The following INPP4B variants were observed in gnomAD, a reference collection of about 807,000 sequenced individuals.
INPP4B encodes inositol polyphosphate 4-phosphatase type II.
INPP4B carries 55 observed loss-of-function variants against 122.5 expected under a neutral mutation model. The ratio of observed to expected loss-of-function variants is 0.45; its 90% confidence interval spans 0.36 to 0.56. The LOEUF is 0.56. Among genes scored for constraint, INPP4B ranks in the 20% least tolerant of loss-of-function variants. The pLI is 0.00. For missense variants in INPP4B, 1,000 were observed against 1,097.7 expected, an observed-to-expected ratio of 0.91 and a Z score of 1.26; for synonymous variants, 403 against 388.7, an observed-to-expected ratio of 1.04 and a Z score of -0.43.
intron 17 of INPP4B, among the ~76,000 whole-genome samples, chr4:142,154,447 A>G (rs1816082506): frequency 6.6e-6 from 1 of 152,122 alleles, no homozygotes; most frequent in African/African-American, 2.4e-5. Context: ...ACCACTTTCT[A>G]TATTTGAAGA....
intron 2 of INPP4B, among the ~76,000 whole-genome samples, chr4:142,641,764 G>A (rs1388156877): frequency 6.6e-6 from 1 of 152,084 alleles, no homozygotes; most frequent in Non-Finnish European, 1.5e-5. Context: ...ATGATTTATA[G>A]TCCTTTGGGT....
At chr4:142,608,924 T>C (rs930652711) in intron 2 of INPP4B, among the ~76,000 whole-genome samples, 3 of 152,140 alleles carry the variant, frequency 2.0e-5, no homozygotes, top group African/African-American at 7.2e-5. Context: ...TCATATTATG[T>C]GTATATTTGA....
chr4:142,534,154 G>A (rs1827925827), intron 2 of INPP4B, among the ~76,000 whole-genome samples: 1 of 152,080 alleles, frequency 6.6e-6, no homozygotes, highest in African/African-American at 2.4e-5. Context: ...GCCCTTTAAA[G>A]TTGAAGGGGT....
chr4:142,083,541 GTCT>G (rs1775220193), intron 24 of INPP4B, among the ~76,000 whole-genome samples: 1 of 152,072 alleles, frequency 6.6e-6, no homozygotes, highest in Non-Finnish European at 1.5e-5. Flanking sequence ...TATAACAAAG[GTCT>G]TCTTTATTAT....
At chr4:142,773,511 G>T (rs759589583) in intron 1 of INPP4B, among the ~76,000 whole-genome samples, 1 of 151,940 alleles carries the variant, frequency 6.6e-6, no homozygotes, top group Non-Finnish European at 1.5e-5. Flanking sequence ...CTATACATTC[G>T]GTATACTAGG....
At chr4:142,075,188 T>C (rs1376933472) in intron 25 of INPP4B, among the ~76,000 whole-genome samples, 2 of 152,062 alleles carry the variant, frequency 1.3e-5, no homozygotes, top group African/African-American at 2.4e-5. Context: ...ATAGTAGATA[T>C]ACAAAAGATG....
At chr4:142,615,966 A>G (rs1743600167) in intron 2 of INPP4B, among the ~76,000 whole-genome samples, 1 of 152,150 alleles carries the variant, frequency 6.6e-6, no homozygotes, top group African/African-American at 2.4e-5. Flanking sequence ...CATATACAAA[A>G]TATGAGACTT....
At chr4:142,157,821 C>T (rs370308181) in intron 17 of INPP4B, among the ~76,000 whole-genome samples, 1 of 152,086 alleles carries the variant, frequency 6.6e-6, no homozygotes, top group African/African-American at 2.4e-5. Flanking sequence ...AGCTCAAGTA[C>T]TCATTTCTTC....
intron 1 of INPP4B, among the ~76,000 whole-genome samples, chr4:142,827,947 T>C (rs185888565): frequency 2.0e-5 from 3 of 152,078 alleles, no homozygotes; most frequent in Non-Finnish European, 2.9e-5. Context: ...TAAGGTGATA[T>C]GGAAAGAGGG....
In INPP4B at chr4:142,145,985, C is replaced by G. The variant is rs376698756; in HGVS notation, c.1575G>C (p.Trp525Cys). The G allele has an allele frequency of 3.8e-5, 62 of 1,612,656 alleles. No individual in the cohort carries two copies. Among genetic ancestry groups the G allele is most frequent in the Non-Finnish European group, 4.7e-5 (55 of 1,179,184 alleles). Residue 525 changes from tryptophan to cysteine, a missense_variant, in exon 18 of 26, where the codon TGG (tryptophan) becomes TGC (cysteine). Transcript: ENST00000262992. ...DYDEEEWDRV[W>C]ANVGKSLNCI... ...AGTTCAGGCTCTTCCCCACATTGGC[C>G]CACACCCTGTCCTGAAAAAAGCATG...
intron 2 of INPP4B, among the ~76,000 whole-genome samples, chr4:142,646,868 A>C (rs542039590): frequency 3.9e-5 from 6 of 152,314 alleles, no homozygotes; most frequent in African/African-American, 1.4e-4. Context: ...AAACTAAGCA[A>C]ACCAAACACA....
chr4:142,345,313 GC>G (rs1779953526), intron 7 of INPP4B, among the ~76,000 whole-genome samples: 1 of 151,868 alleles, frequency 6.6e-6, no homozygotes, highest in South Asian at 2.1e-4. Flanking sequence ...GAAAGAGAAG[GC>G]TTTTTTTTAT....
intron 2 of INPP4B, among the ~76,000 whole-genome samples, chr4:142,499,935 G>A (rs967808660): frequency 3.9e-5 from 6 of 152,114 alleles, no homozygotes; most frequent in Admixed American, 2.0e-4. Context: ...TACAACCGTC[G>A]CTGAAAACAC....
intron 1 of INPP4B, among the ~76,000 whole-genome samples, chr4:142,740,226 A>T (rs1767703024): frequency 6.6e-6 from 1 of 152,058 alleles, no homozygotes; most frequent in South Asian, 2.1e-4. Context: ...AAAAATCTAA[A>T]TTCAAAAAAT....
At chr4:142,558,209 C>T (rs72726451) in intron 2 of INPP4B, among the ~76,000 whole-genome samples, 5,376 of 152,172 alleles carry the variant, frequency 0.035, 139 homozygotes, top group Non-Finnish European at 0.053. Flanking sequence ...AAACCTTGAC[C>T]GCTAGATTTT....
chr4:142,224,353 T>A (rs1471158735), intron 12 of INPP4B, among the ~76,000 whole-genome samples: 1 of 152,094 alleles, frequency 6.6e-6, no homozygotes, highest in South Asian at 2.1e-4. Flanking sequence ...TAATTTGGAG[T>A]TTTTAATATA....
At position 142,124,695 on chromosome 4, in the gene INPP4B, TCAC is replaced by T. The variant is rs777566193; in HGVS notation, c.1783_1785del (p.Val595del). Reference sequence around the variant, plus strand: ...AATGTCAGGGACTGCTTGGCTCGGTTCACCACTTCTCCCATGCAGTCCTTCAGG... The same window carrying T: ...AATGTCAGGGACTGCTTGGCTCGGTTCACTTCTCCCATGCAGTCCTTCAGG... On this transcript the variant is annotated inframe_deletion, in exon 19 of 26. Coordinates refer to ENST00000262992, the MANE Select transcript of INPP4B (RefSeq NM_001101669.3). The T allele has an allele frequency of 6.2e-7, 1 of 1,612,290 alleles. No homozygotes were observed. The highest frequency in any genetic ancestry group is 8.5e-7 in the Non-Finnish European group (1 of 1,178,846).
chr4:142,180,733 AG>A (rs1172226066), intron 15 of INPP4B, among the ~76,000 whole-genome samples: 1 of 152,226 alleles, frequency 6.6e-6, no homozygotes, highest in Non-Finnish European at 1.5e-5. Context: ...TCTTGAACAT[AG>A]TATCAACCCA....
chr4:142,442,273 G>T (rs999707232), intron 3 of INPP4B, among the ~76,000 whole-genome samples: 5 of 151,822 alleles, frequency 3.3e-5, no homozygotes, highest in African/African-American at 4.8e-5. Flanking sequence ...TTAGCTGGAC[G>T]TGGTGGCATG....
Sources: allele counts gnomAD v4.1 joint callset (sites outside exome capture counted in the v4.1 genomes callset), GRCh38; gene constraint gnomAD v4.1.1; transcripts MANE v1.5; gene names NCBI Gene and HGNC (gene_info 2026-07-23, HGNC 2026-07-21).